The following PTH2R variants were observed in gnomAD, a reference collection of about 807,000 sequenced individuals.
PTH2R encodes PTH2 receptor.
In PTH2R, 59 loss-of-function variants were observed where a neutral mutation model predicts 60.3. That is an observed-to-expected ratio of 0.98 (90% confidence interval 0.79 to 1.22). The LOEUF (loss-of-function observed/expected upper bound fraction) is 1.22, where lower values mean the gene tolerates loss of function less well. Ranked by LOEUF, PTH2R falls within the 50% of genes most tolerant of loss-of-function variation. The pLI, the probability that PTH2R is intolerant of heterozygous loss-of-function variation, is 0.00. For missense variants in PTH2R, 749 were observed against 682.6 expected, an observed-to-expected ratio of 1.10 and a Z score of -1.08; for synonymous variants, 256 against 243.8, an observed-to-expected ratio of 1.05 and a Z score of -0.47.
intron 10 of PTH2R, among the ~76,000 whole-genome samples, chr2:208,487,146 G>GT (rs1703291918): frequency 6.6e-6 from 1 of 152,194 alleles, no homozygotes; most frequent in Non-Finnish European, 1.5e-5. Flanking sequence ...GAAAGTGTAT[G>GT]TACATGGAAG....
upstream of PTH2R, among the ~76,000 whole-genome samples, chr2:208,404,338 T>C (rs1701362052): frequency 6.6e-6 from 1 of 152,220 alleles, no homozygotes; most frequent in Non-Finnish European, 1.5e-5. Flanking sequence ...TTATCTTGAC[T>C]GAGGTGGGCC....
intron 1 of PTH2R, among the ~76,000 whole-genome samples, chr2:208,362,444 T>C (rs918581576): frequency 3.3e-5 from 5 of 152,222 alleles, no homozygotes; most frequent in Non-Finnish European, 5.9e-5. Context: ...ATGTCTCATA[T>C]ATGGTATCTA....
At chr2:208,462,214 ATTTAC>A (rs926333710) in intron 9 of PTH2R, among the ~76,000 whole-genome samples, 7 of 152,352 alleles carry the variant, frequency 4.6e-5, no homozygotes, top group African/African-American at 1.7e-4. Flanking sequence ...GAAATAAATA[ATTTAC>A]TTATTTTAAT....
chr2:208,451,823 T>C (rs1702413135), intron 8 of PTH2R, among the ~76,000 whole-genome samples: 1 of 152,214 alleles, frequency 6.6e-6, no homozygotes, highest in Admixed American at 6.5e-5. Context: ...TCATTTAAAA[T>C]GTATCATTTT....
At chr2:208,469,806 G>C (rs1702840688) in intron 9 of PTH2R, 1 of 152,166 alleles carries the variant, frequency 6.6e-6, no homozygotes, top group East Asian at 1.9e-4. Flanking sequence ...CAAAATATAA[G>C]AGAAATATTT....
Position 208,488,487 on chromosome 2 carries a change from A to AT in PTH2R, c.1077-521dup, listed in dbSNP as rs148079208. ...AGGAAACTTAGGACAGAAAAAAGGCATTTTACAACTTTATGTAAATAGACT... is the reference window on the plus strand; with the variant it reads ...AGGAAACTTAGGACAGAAAAAAGGCATTTTTACAACTTTATGTAAATAGACT... On this transcript the variant is annotated intron_variant, in intron 10 of 12. Transcript: ENST00000272847. Among the ~76,000 whole-genome samples the AT allele has an allele frequency of 7.1e-3, 1,083 of 152,332 alleles. 17 individuals are homozygous for AT. Among genetic ancestry groups the AT allele is most frequent in the African/African-American group, 0.025 (1,048 of 41,560 alleles).
intron 4 of PTH2R, among the ~76,000 whole-genome samples, chr2:208,440,754 GAGTAAGCCCT>G (rs1702165579): frequency 1.3e-5 from 2 of 152,180 alleles, no homozygotes; most frequent in Non-Finnish European, 2.9e-5. Context: ...GAATCCCAAG[GAGTAAGCCCT>G]AGTCTTAGTA....
Position 208,411,898 on chromosome 2 carries a change from G to T in PTH2R, c.75+4780G>T, listed in dbSNP as rs77158588. ...ACAAACAAAAAGCTTAAAGGTGCCTGATAACAAAAGATGTCAGCTCTTTCC... is the reference window on the plus strand; with the variant it reads ...ACAAACAAAAAGCTTAAAGGTGCCTTATAACAAAAGATGTCAGCTCTTTCC... On this transcript the variant is annotated intron_variant, in intron 1 of 12. Coordinates refer to ENST00000272847, the MANE Select transcript of PTH2R (RefSeq NM_005048.4). Among the ~76,000 whole-genome samples, 1,354 of 152,262 alleles carry T rather than the reference G, an allele frequency of 8.9e-3. 22 individuals carry two copies. Among genetic ancestry groups the T allele is most frequent in the African/African-American group, 0.03 (1,246 of 41,548 alleles).
At chr2:208,467,257 C>T (rs1702774221) in intron 9 of PTH2R, among the ~76,000 whole-genome samples, 1 of 152,080 alleles carries the variant, frequency 6.6e-6, no homozygotes, top group Admixed American at 6.5e-5. Context: ...ATGGTGGGAG[C>T]AAGTTTTCTT....
chr2:208,406,692 G>A (rs941482637), upstream of PTH2R: 1 of 200,890 alleles, frequency 5.0e-6, no homozygotes, highest in African/African-American at 2.3e-5. Flanking sequence ...TGACTTCGAG[G>A]AGGAGCGCGA....
intron 8 of PTH2R, 33 bp downstream of exon 8, chr2:208,450,842 T>G: frequency 1.2e-6 from 2 of 1,603,432 alleles, no homozygotes; most frequent in Non-Finnish European, 1.7e-6. Flanking sequence ...CGAGAGAACC[T>G]CAGATGTTCT....
At chr2:208,425,410 C>T (rs958358444) in intron 1 of PTH2R, among the ~76,000 whole-genome samples, 1 of 152,160 alleles carries the variant, frequency 6.6e-6, no homozygotes, top group African/African-American at 2.4e-5. Context: ...AAGTTACCAC[C>T]CCTTTCCACA....
intron 7 of PTH2R, among the ~76,000 whole-genome samples, chr2:208,449,219 A>G (rs1702350423): frequency 6.6e-6 from 1 of 152,214 alleles, no homozygotes; most frequent in Non-Finnish European, 1.5e-5. Context: ...ATCCTACCAG[A>G]AGCAGCTGTC....
At chr2:208,383,628 G>A (rs1700953568) in intron 1 of PTH2R, among the ~76,000 whole-genome samples, 1 of 152,120 alleles carries the variant, frequency 6.6e-6, no homozygotes, top group South Asian at 2.1e-4. Flanking sequence ...AATCTCTTCT[G>A]TCTTGTAAAT....
At chr2:208,377,116 C>T (rs571141729) in intron 1 of PTH2R, among the ~76,000 whole-genome samples, 8 of 152,162 alleles carry the variant, frequency 5.3e-5, no homozygotes, top group Non-Finnish European at 1.0e-4. Context: ...TAACAAAGCA[C>T]ATCTTGCATG....
chr2:208,360,022 A>G (rs1700416379), exon 1 of PTH2R: 1 of 335,842 alleles, frequency 3.0e-6, no homozygotes, highest in Admixed American at 3.6e-5. Context: ...CTATCCACCC[A>G]CAGGTTTTTT....
chr2:208,419,543 C>G (rs1031004921), intron 1 of PTH2R, among the ~76,000 whole-genome samples: 1 of 152,158 alleles, frequency 6.6e-6, no homozygotes, highest in African/African-American at 2.4e-5. Context: ...TCCCATTTGT[C>G]AATTTTGGCT....
In PTH2R at chr2:208,428,256, C is replaced by T. The variant is rs183627553; in HGVS notation, c.131C>T (p.Ala44Val). Residue 44 changes from alanine (A) to valine (V), a missense_variant, in exon 2 of 13, where the codon GCG becomes GTG. Transcript: ENST00000272847. ...IEEQIVLVLK[A>V]KVQCELNITA... ...GAGCAGATTGTCCTTGTGCTGAAAG[C>T]GAAAGTACAATGTGAACTCAACATC... The T allele has an allele frequency of 2.2e-5, 36 of 1,613,562 alleles. No individual in the cohort carries two copies. Among genetic ancestry groups the T allele is most frequent in the Middle Eastern group, 1.6e-4 (1 of 6,062 alleles).
chr2:208,439,895 A>G (rs191444527), intron 4 of PTH2R, among the ~76,000 whole-genome samples: 158 of 152,306 alleles, frequency 1.0e-3, no homozygotes, highest in African/African-American at 3.1e-3. Context: ...AAGGATTTAG[A>G]ATGGGGGAAC....
Sources: gnomAD v4.1 joint callset for allele counts (sites outside exome capture counted in the v4.1 genomes callset) on GRCh38, gnomAD v4.1.1 for gene constraint, MANE v1.5 for transcripts, NCBI Gene and HGNC (gene_info 2026-07-23, HGNC 2026-07-21) for gene names.